Variants in MYCBP2 observed in about 807,000 individuals in gnomAD.
MYCBP2 encodes E3 ubiquitin-protein ligase MYCBP2.
A neutral mutation model predicts 525.3 loss-of-function variants in MYCBP2; 120 were observed. The observed-to-expected ratio is 0.23, with a 90% CI of 0.20 to 0.27. The LOEUF is 0.27. MYCBP2 is among the 10% of genes least tolerant of loss of function. The pLI is 1.00. For synonymous variants in MYCBP2, 1,894 were observed against 1,955.8 expected, an observed-to-expected ratio of 0.97 and a Z score of 0.83; for missense variants, 4,149 against 5,657.1, an observed-to-expected ratio of 0.73 and a Z score of 8.55.
intron 17 of MYCBP2, among the ~76,000 whole-genome samples, chr13:77,237,878 C>T (rs931532636): frequency 1.3e-5 from 2 of 152,024 alleles, no homozygotes; most frequent in Non-Finnish European, 2.9e-5. Flanking sequence ...TTATGTGTCA[C>T]TGGAATATCA....
chr13:77,092,443 T>C (rs955113951), intron 59 of MYCBP2: 11 of 152,050 alleles, frequency 7.2e-5, no homozygotes, highest in African/African-American at 2.7e-4. Context: ...AAAGTTTCAG[T>C]GGTACTCTAT....
intron 1 of MYCBP2, among the ~76,000 whole-genome samples, chr13:77,313,563 C>A (rs1370871537): frequency 6.6e-6 from 1 of 151,928 alleles, no homozygotes; most frequent in Admixed American, 6.6e-5. Flanking sequence ...ACCTAGATAA[C>A]TTTTTAGCTA....
At chr13:77,241,235 G>A (rs752666301) in intron 17 of MYCBP2, among the ~76,000 whole-genome samples, 3 of 152,056 alleles carry the variant, frequency 2.0e-5, no homozygotes, top group Admixed American at 6.5e-5. Flanking sequence ...ATCAATGCAC[G>A]ATTCAATGTT....
intron 40 of MYCBP2, among the ~76,000 whole-genome samples, chr13:77,166,976 TACACACACACACACACACACAC>T (rs539593054): frequency 4.7e-5 from 6 of 127,142 alleles, no homozygotes; most frequent in South Asian, 2.6e-4. Context: ...AACACACACA[TACACACACACACACACACACAC>T]ACACACACAC....
chr13:77,285,792 G>C (rs895268701), intron 3 of MYCBP2, among the ~76,000 whole-genome samples: 14 of 146,914 alleles, frequency 9.5e-5, no homozygotes, highest in African/African-American at 3.5e-4. Flanking sequence ...GTGAAAGAAA[G>C]GAAAGGAAAG....
chr13:77,263,682 T>C lies in MYCBP2; in HGVS notation c.1539A>G (p.Leu513=). The change falls in exon 10 of 83, where the codon CTA becomes CTG. Residue 513 remains leucine, a synonymous_variant. Coordinates refer to ENST00000544440, the MANE Select transcript of MYCBP2 (RefSeq NM_015057.5). Reference sequence around the variant, plus strand: ...TATGCAAGTCCTTTTCCAGATCGAATAGTGAGATACCACAGGCATGTAAGC... The same window carrying C: ...TATGCAAGTCCTTTTCCAGATCGAACAGTGAGATACCACAGGCATGTAAGC... ...RKCLHACGIS[L]FDLEKDLHII... 4 of 1,612,818 alleles carry C rather than the reference T, an allele frequency of 2.5e-6. No homozygotes were observed. The highest frequency in any genetic ancestry group is 1.1e-5 in the South Asian group (1 of 90,994).
chr13:77,199,473 C>G (rs2062190069), intron 26 of MYCBP2, among the ~76,000 whole-genome samples: 2 of 152,222 alleles, frequency 1.3e-5, no homozygotes, highest in Admixed American at 6.5e-5. Context: ...GGAGGGGCGC[C>G]CGCCATTGCC....
At chr13:77,089,475 T>C (rs2044977115) in intron 60 of MYCBP2, among the ~76,000 whole-genome samples, 1 of 152,126 alleles carries the variant, frequency 6.6e-6, no homozygotes, top group African/African-American at 2.4e-5. Flanking sequence ...GTAAGATAAC[T>C]TAATCATCTG....
chr13:77,274,113 A>G (rs1289939848), intron 4 of MYCBP2, among the ~76,000 whole-genome samples: 2 of 152,224 alleles, frequency 1.3e-5, no homozygotes, highest in South Asian at 2.1e-4. Context: ...AAAATTGGCT[A>G]TATCATTAAC....
At chr13:77,066,605 C>G (rs2040246524) in intron 71 of MYCBP2, among the ~76,000 whole-genome samples, 1 of 152,108 alleles carries the variant, frequency 6.6e-6, no homozygotes, top group African/African-American at 2.4e-5. Flanking sequence ...TGCATATATA[C>G]CTTGGTGCAA....
intron 3 of MYCBP2, among the ~76,000 whole-genome samples, chr13:77,286,871 A>G (rs1346779988): frequency 7.5e-6 from 1 of 134,062 alleles, no homozygotes; most frequent in African/African-American, 2.8e-5. Context: ...GTAAACTGAG[A>G]GTAGTTCTAT....
intron 43 of MYCBP2, among the ~76,000 whole-genome samples, chr13:77,163,769 A>C (rs1436734302): frequency 1.3e-5 from 2 of 152,084 alleles, no homozygotes; most frequent in African/African-American, 4.8e-5. Context: ...CATTTTGCTA[A>C]CATATTTCTT....
At chr13:77,192,511 T>C (rs1362296378) in intron 27 of MYCBP2, among the ~76,000 whole-genome samples, 1 of 152,186 alleles carries the variant, frequency 6.6e-6, no homozygotes, top group Non-Finnish European at 1.5e-5. Flanking sequence ...AAGGAATGTT[T>C]ATTGGTTGTA....
chr13:77,248,880 G>A (rs904341347), intron 15 of MYCBP2, among the ~76,000 whole-genome samples: 6 of 152,282 alleles, frequency 3.9e-5, no homozygotes, highest in Non-Finnish European at 7.4e-5. Context: ...ATCAGTGAGT[G>A]AATGGATAAG....
At chr13:77,183,104 C>T (rs1393559125) in intron 32 of MYCBP2, among the ~76,000 whole-genome samples, 2 of 151,918 alleles carry the variant, frequency 1.3e-5, no homozygotes, top group Non-Finnish European at 2.9e-5. Context: ...AAGATAAATC[C>T]CACTTGGTTA....
In MYCBP2 at chr13:77,062,029, CT is replaced by C. The variant is rs2039392017; in HGVS notation, c.12775-240del. Among the ~76,000 whole-genome samples, 6 of 152,290 alleles carry C rather than the reference CT, an allele frequency of 3.9e-5. No individual in the cohort carries two copies. In the South Asian group the frequency reaches 1.2e-3, roughly 32 times the overall value. ...ATGATTAATACAATGAACAGGTATACTTTGTTACTTAGAGACTTAAGAAATG... is the reference window on the plus strand; with the variant it reads ...ATGATTAATACAATGAACAGGTATACTTGTTACTTAGAGACTTAAGAAATG... On this transcript the variant is annotated intron_variant, in intron 74 of 82. Coordinates refer to ENST00000544440, the MANE Select transcript of MYCBP2 (RefSeq NM_015057.5).
At chr13:77,079,795 G>C (rs977091498) in intron 65 of MYCBP2, among the ~76,000 whole-genome samples, 1 of 152,144 alleles carries the variant, frequency 6.6e-6, no homozygotes, top group Admixed American at 6.6e-5. Flanking sequence ...TTTCCTTTAA[G>C]TGTCATATCT....
Position 77,097,844 on chromosome 13 carries a change from G to T in MYCBP2, c.9310C>A (p.Pro3104Thr). 6.2e-7 allele frequency: 1 copy of T among 1,613,640 alleles called. No homozygotes were observed. Among genetic ancestry groups the T allele is most frequent in the Non-Finnish European group, 8.5e-7 (1 of 1,179,814 alleles). ...SSALNMFNIA[P>T]HGPDISKMGS... Reference sequence around the variant, plus strand: ...ATCTTAGATATATCTGGTCCATGGGGTGCAATATTAAACATATTCAGTGCA... The same window carrying T: ...ATCTTAGATATATCTGGTCCATGGGTTGCAATATTAAACATATTCAGTGCA... The change falls in exon 56 of 83, where the codon CCC becomes ACC. Residue 3104 changes from proline (P) to threonine (T), a missense_variant. Transcript: ENST00000544440.
Position 77,306,594 on chromosome 13 carries a change from T to A in MYCBP2, c.303-9920A>T, listed in dbSNP as rs138642704. Among the ~76,000 whole-genome samples the A allele has an allele frequency of 1.4e-3, 208 of 152,172 alleles. 3 individuals are homozygous for A. In the East Asian group the frequency reaches 0.036, roughly 26 times the overall value. On this transcript the variant is annotated intron_variant, in intron 1 of 82. Coordinates refer to ENST00000544440, the MANE Select transcript of MYCBP2 (RefSeq NM_015057.5). ...GGAGCATAAGTGAGGGGAAGAGAAC[T>A]CTCTGAAAAGCTTTGGCTATAGACC...
Sources: allele counts gnomAD v4.1 joint callset (sites outside exome capture counted in the v4.1 genomes callset), GRCh38; gene constraint gnomAD v4.1.1; transcripts MANE v1.5; gene names NCBI Gene and HGNC (gene_info 2026-07-23, HGNC 2026-07-21).